BZW1: variants seen among roughly 807,000 people sequenced by gnomAD.
BZW1 encodes basic leucine zipper and W2 domains 1.
Under a neutral mutation model 54.1 loss-of-function variants are expected in BZW1, and 3 were observed. The ratio of observed to expected loss-of-function variants is 0.06; its 90% CI spans 0.03 to 0.14. BZW1 has a LOEUF of 0.14. Among genes scored for constraint, BZW1 ranks in the 10% least tolerant of loss-of-function variants. The pLI is 1.00. For synonymous variants in BZW1, 152 were observed against 162.7 expected (o/e 0.93, Z 0.50); for missense variants, 206 against 491.7 (o/e 0.42, Z 5.50).
chr2:200,815,273 G>T (rs2038242939), intron 2 of BZW1, 68 bp from the exon 3 acceptor site: 14 of 1,434,760 alleles, frequency 9.8e-6, no homozygotes, highest in Non-Finnish European at 1.3e-5. Context: ...ATCTTCATAA[G>T]GTGATAGTTT....
At chr2:200,819,414 A>G (rs193060366) in intron 9 of BZW1, among the ~76,000 whole-genome samples, 1 of 152,074 alleles carries the variant, frequency 6.6e-6, no homozygotes. Flanking sequence ...ATGAAAAGGA[A>G]CTTCAGCTTG....
At chr2:200,821,480 A>T (rs2038507990) in intron 11 of BZW1, among the ~76,000 whole-genome samples, 175 bp downstream of exon 11, 1 of 152,200 alleles carries the variant, frequency 6.6e-6, no homozygotes, top group Admixed American at 6.5e-5. Flanking sequence ...TTTATGGCTC[A>T]GCCATAATAG....
At chr2:200,820,858 C>T (rs915816949) in intron 10 of BZW1, among the ~76,000 whole-genome samples, 1 of 152,188 alleles carries the variant, frequency 6.6e-6, no homozygotes, top group Non-Finnish European at 1.5e-5. Context: ...TATAGCAACC[C>T]CAATTTCAGT....
chr2:200,816,838 G>A (rs912269495), intron 5 of BZW1, among the ~76,000 whole-genome samples: 2 of 152,126 alleles, frequency 1.3e-5, no homozygotes, highest in Non-Finnish European at 1.5e-5. Context: ...TCAAGCACCA[G>A]GCACTGTTCT....
In BZW1 at chr2:200,812,589, C is replaced by T. The variant is rs1168578742; in HGVS notation, c.-11+599C>T. 4 of 1,396,524 alleles carry T rather than the reference C, an allele frequency of 2.9e-6. No homozygotes were observed. The African/African-American group carries it at 4.4e-5, about 15-fold the overall frequency. 86.5% of individuals were successfully genotyped at this position (1,396,524 alleles called of 1,614,324 possible). A position where few individuals can be genotyped will look rare whatever the true frequency, so the allele number is the denominator to read the frequency against. The stretch of plus-strand genomic sequence containing the variant: ...GGTGATCTGTGGCTCGGGCGGGAGG[C>T]ATGGGAAGGGTGTGGATTGGGAGAC... On this transcript the variant is annotated intron_variant, in intron 1 of 11. Transcript: ENST00000409600.
rs1467175246 is a variant in BZW1 at position 200,812,484 on chromosome 2, AGGCG to A, written c.-11+495_-11+498del. The A allele has an allele frequency of 3.7e-6, 5 of 1,337,164 alleles. No homozygotes were observed. In the East Asian group the frequency reaches 1.4e-4, roughly 38 times the overall value. The allele number at this position is 1,337,164 out of a possible 1,614,324, so 82.8% of individuals were successfully genotyped here. A position where few individuals can be genotyped will look rare whatever the true frequency, so the allele number is the denominator to read the frequency against. On this transcript the variant is annotated intron_variant, in intron 1 of 11. Transcript: ENST00000409600. ...CGCTCGTTGCGGCGGCCGCCACCGCAGGCGACAGGGTCAGTGGAGAAAGAGCCGC... is the reference window on the plus strand; with the variant it reads ...CGCTCGTTGCGGCGGCCGCCACCGCAACAGGGTCAGTGGAGAAAGAGCCGC...
At chr2:200,821,960 T>C (rs1390737356) in intron 11 of BZW1, among the ~76,000 whole-genome samples, 187 bp from the exon 12 acceptor site, 2 of 152,070 alleles carry the variant, frequency 1.3e-5, no homozygotes, top group South Asian at 2.1e-4. Context: ...TTCCAGCTAC[T>C]TGGGAAACTG....
chr2:200,813,372 G>C, intron 2 of BZW1, 91 bp downstream of exon 2: 1 of 1,155,074 alleles, frequency 8.7e-7, no homozygotes, highest in Non-Finnish European at 1.2e-6. Flanking sequence ...TATTACTAAA[G>C]CCTCAAAAGA....
At chr2:200,820,633 G>A (rs958225248) in intron 10 of BZW1, among the ~76,000 whole-genome samples, 3 of 152,054 alleles carry the variant, frequency 2.0e-5, no homozygotes, top group African/African-American at 7.2e-5. Context: ...AGTGAACCAT[G>A]ATTGTGCCAC....
At chr2:200,816,489 G>C (rs921187399) in intron 5 of BZW1, 99 bp downstream of exon 5, 7 of 868,972 alleles carry the variant, frequency 8.1e-6, no homozygotes, top group Admixed American at 2.8e-5. Context: ...AATTTTGCTT[G>C]TTTGTTTGGG....
chr2:200,825,293 C>G lies in BZW1; in HGVS notation c.*3115C>G, dbSNP rs993881534. The G allele has an allele frequency of 7.4e-5, 2 of 26,956 alleles. No homozygotes were observed. Among genetic ancestry groups the G allele is most frequent in the East Asian group, 1.3e-3 (2 of 1,562 alleles). The allele number at this position is 26,956 out of a possible 1,614,324, so 1.7% of individuals were successfully genotyped here. On this transcript the variant is annotated 3_prime_UTR_variant, in exon 12 of 12. Coordinates refer to ENST00000409600, the MANE Select transcript of BZW1 (RefSeq NM_001207067.2). ...CAGGCTGGTCTCAAACTCCTGACCT[C>G]GTGGTCTGCCTGCCTTGGCCTCCCA...
At chr2:200,812,131 C>T (rs1464734366) in intron 1 of BZW1, 141 bp downstream of exon 1, 1 of 948,472 alleles carries the variant, frequency 1.1e-6, no homozygotes. Context: ...CGGGCCGGAT[C>T]TAGGGCCTGA....
chr2:200,812,262 C>T, intron 1 of BZW1: 3 of 1,232,164 alleles, frequency 2.4e-6, no homozygotes, highest in East Asian at 3.2e-5. Context: ...TCCCTCTGGG[C>T]CGTGCCCGGC....
chr2:200,826,419 T>TGATAGATAGA lies in BZW1; in HGVS notation c.*4241_*4242insGATAGATAGA, dbSNP rs1559318450. On this transcript the variant is annotated 3_prime_UTR_variant, in exon 12 of 12. Transcript: ENST00000409600. Reference sequence around the variant, plus strand: ...TAGATAGATAGATATTTTTTTTTTTTTTTTTTTTTTTTTTTTTTTTTTTGA... The same window carrying TGATAGATAGA: ...TAGATAGATAGATATTTTTTTTTTTTGATAGATAGATTTTTTTTTTTTTTTTTTTTTTTGA... 2.1e-4 allele frequency: 12 copies of TGATAGATAGA among 56,368 alleles called. No individual in the cohort carries two copies. The highest frequency in any genetic ancestry group is 3.7e-4 in the African/African-American group (6 of 16,242). The allele number at this position is 56,368 out of a possible 1,614,324, so 3.5% of individuals were successfully genotyped here.
At chr2:200,821,891 G>T (rs1395143627) in intron 11 of BZW1, among the ~76,000 whole-genome samples, 1 of 152,112 alleles carries the variant, frequency 6.6e-6, no homozygotes, top group Non-Finnish European at 1.5e-5. Context: ...GACAACATGG[G>T]AAACCCAGTC....
chr2:200,818,092 CTTT>C lies in BZW1; in HGVS notation c.648+14_648+16del. ...TGGATAACAGACTGATGGTTGGTAA[CTTT>C]TTTTCATTCTTCCCATTCTTGCCAA... is the stretch of plus-strand genomic sequence containing the variant. On this transcript the variant is annotated intron_variant, in intron 7 of 11. Coordinates refer to ENST00000409600, the MANE Select transcript of BZW1 (RefSeq NM_001207067.2). The C allele has an allele frequency of 6.5e-7, 1 of 1,542,674 alleles. No homozygotes were observed. The highest frequency in any genetic ancestry group is 2.4e-5 in the East Asian group (1 of 41,262).
chr2:200,818,182 C>G lies in BZW1; in HGVS notation c.649-41C>G, dbSNP rs1406175930. ...GTGAAAAGAAAGTGTTTTTCTTAATCTGATTTAAAGAAAGTTTAACCAGAT... is the reference window on the plus strand; with the variant it reads ...GTGAAAAGAAAGTGTTTTTCTTAATGTGATTTAAAGAAAGTTTAACCAGAT... On this transcript the variant is annotated intron_variant, in intron 7 of 11. Coordinates refer to ENST00000409600, the MANE Select transcript of BZW1 (RefSeq NM_001207067.2). 5 of 1,519,250 alleles carry G rather than the reference C, an allele frequency of 3.3e-6. No homozygotes were observed. In the East Asian group the frequency reaches 1.2e-4, roughly 37 times the overall value. 94.1% of individuals were successfully genotyped at this position (1,519,250 alleles called of 1,614,324 possible).
chr2:200,815,625 A>AT (rs761195725), intron 3 of BZW1, 42 bp from the exon 4 acceptor site: 8 of 1,583,400 alleles, frequency 5.1e-6, no homozygotes, highest in Middle Eastern at 1.7e-4. Context: ...AAATGGAGTG[A>AT]TTTTTTTGGT....
intron 8 of BZW1, 139 bp downstream of exon 8, chr2:200,818,532 T>C (rs2038377311): frequency 8.9e-7 from 1 of 1,126,150 alleles, no homozygotes; most frequent in Non-Finnish European, 1.3e-6. Flanking sequence ...CCTCATTCTT[T>C]TGCATATGCT....
Sources: gnomAD v4.1 joint callset for allele counts (sites outside exome capture counted in the v4.1 genomes callset) on GRCh38, gnomAD v4.1.1 for gene constraint, MANE v1.5 for transcripts, NCBI Gene and HGNC (gene_info 2026-07-23, HGNC 2026-07-21) for gene names.